HMBOX1: variants seen among roughly 807,000 people sequenced by gnomAD.
HMBOX1 encodes homeobox-containing protein 1.
Under a neutral mutation model 54.5 loss-of-function variants are expected in HMBOX1, and 14 were observed. That is an observed-to-expected ratio of 0.26 (90% CI 0.17 to 0.40). HMBOX1 has a LOEUF of 0.40. Among genes scored for constraint, HMBOX1 ranks in the 10% least tolerant of loss-of-function variants. The pLI, the probability that HMBOX1 is intolerant of heterozygous loss-of-function variation, is 1.00. For missense variants in HMBOX1, 332 were observed against 514.4 expected, an observed-to-expected ratio of 0.65 and a Z score of 3.43; for synonymous variants, 160 against 181.0, an observed-to-expected ratio of 0.88 and a Z score of 0.93.
intron 5 of HMBOX1, among the ~76,000 whole-genome samples, chr8:29,016,440 T>A (rs1411467802): frequency 1.3e-5 from 2 of 152,212 alleles, no homozygotes; most frequent in Non-Finnish European, 2.9e-5. Context: ...TATTGGGGGA[T>A]AAAGGGAAAT....
rs1367077915 is a variant in HMBOX1, at chr8:28,931,546, GGTT to G, written c.-57-32258_-57-32256del. Reference sequence around the variant, plus strand: ...AAAACTAATACCTTATCTTGGTGGTGGTTGTTGTTTTCTGAGACAGGATCTTGC... The same window carrying G: ...AAAACTAATACCTTATCTTGGTGGTGGTTGTTTTCTGAGACAGGATCTTGC... On this transcript the variant is annotated intron_variant, in intron 1 of 9. Transcript: ENST00000287701. Among the ~76,000 whole-genome samples, 3 of 152,128 alleles carry G rather than the reference GGTT, an allele frequency of 2.0e-5. No homozygotes were observed. In the East Asian group the frequency reaches 5.8e-4, roughly 29 times the overall value.
At chr8:28,903,726 GA>G (rs1813699806) in intron 1 of HMBOX1, among the ~76,000 whole-genome samples, 1 of 152,122 alleles carries the variant, frequency 6.6e-6, no homozygotes, top group Admixed American at 6.5e-5. Flanking sequence ...TTGATCAATT[GA>G]TTTTAAAAAC....
intron 1 of HMBOX1, among the ~76,000 whole-genome samples, chr8:28,939,282 T>G (rs1220191997): frequency 1.4e-5 from 2 of 140,682 alleles, no homozygotes; most frequent in African/African-American, 5.3e-5. Context: ...AGAGCAAAAC[T>G]CCGTCTAAAA....
chr8:28,891,987 T>A (rs1289992851), intron 1 of HMBOX1, among the ~76,000 whole-genome samples: 1 of 152,210 alleles, frequency 6.6e-6, no homozygotes, highest in African/African-American at 2.4e-5. Context: ...TCTTCCTTCC[T>A]TCCTATCCTC....
chr8:28,928,156 T>TA (rs539745232), intron 1 of HMBOX1, among the ~76,000 whole-genome samples: 8 of 151,822 alleles, frequency 5.3e-5, no homozygotes, highest in Non-Finnish European at 1.2e-4. Context: ...GAACTACTAC[T>TA]ACTACCATAA....
At chr8:29,049,916 T>A (rs80004820) in intron 9 of HMBOX1, among the ~76,000 whole-genome samples, 16,388 of 152,252 alleles carry the variant, frequency 0.11, 965 homozygotes, top group South Asian at 0.25. Context: ...TAGCCTCTGT[T>A]TACCACACAC....
intron 9 of HMBOX1, 111 bp downstream of exon 9, chr8:29,049,159 T>C (rs778876964): frequency 2.7e-6 from 4 of 1,473,966 alleles, no homozygotes. Context: ...AAACAGTCAC[T>C]GTCCCTCCAC....
intron 1 of HMBOX1, among the ~76,000 whole-genome samples, chr8:28,919,709 C>A (rs1445152591): frequency 1.3e-5 from 2 of 152,186 alleles, no homozygotes; most frequent in Non-Finnish European, 2.9e-5. Context: ...CATAGTAATA[C>A]ACAATACCCA....
intron 8 of HMBOX1, among the ~76,000 whole-genome samples, chr8:29,048,003 T>C (rs188671305): frequency 1.3e-5 from 2 of 152,322 alleles, no homozygotes; most frequent in Admixed American, 1.3e-4. Flanking sequence ...TTCTTAAAGT[T>C]CTAGAATATA....
At chr8:28,993,829 T>C (rs1663510518) in intron 4 of HMBOX1, among the ~76,000 whole-genome samples, 1 of 152,062 alleles carries the variant, frequency 6.6e-6, no homozygotes, top group Admixed American at 6.6e-5. Flanking sequence ...CTAAAGTTTA[T>C]CTGCAAGAAA....
intron 3 of HMBOX1, among the ~76,000 whole-genome samples, chr8:28,972,687 A>G (rs534495206): frequency 6.6e-6 from 1 of 152,356 alleles, no homozygotes; most frequent in African/African-American, 2.4e-5. Context: ...AAATGTGTAT[A>G]AGACTAACAA....
chr8:29,031,789 G>A (rs1803009533), intron 6 of HMBOX1, among the ~76,000 whole-genome samples: 1 of 152,156 alleles, frequency 6.6e-6, no homozygotes, highest in South Asian at 2.1e-4. Flanking sequence ...CCTAGCCCTG[G>A]CAGGCTCAGT....
At chr8:28,941,276 G>T (rs181297167) in intron 1 of HMBOX1, among the ~76,000 whole-genome samples, 99 of 152,228 alleles carry the variant, frequency 6.5e-4, no homozygotes, top group Admixed American at 2.0e-3. Context: ...ACATCAGTTA[G>T]ATAAATTGAA....
intron 1 of HMBOX1, among the ~76,000 whole-genome samples, chr8:28,940,318 T>G (rs1247687435): frequency 6.6e-6 from 1 of 152,190 alleles, no homozygotes; most frequent in Non-Finnish European, 1.5e-5. Context: ...TGTTTTAGAT[T>G]TTTTTTAAAA....
intron 6 of HMBOX1, among the ~76,000 whole-genome samples, chr8:29,028,415 G>A (rs760502590): frequency 8.5e-5 from 13 of 152,158 alleles, no homozygotes; most frequent in Admixed American, 2.0e-4. Flanking sequence ...CTTGTAAAGC[G>A]ATTTCTAGAA....
chr8:28,937,044 GTA>G (rs1425329172), intron 1 of HMBOX1, among the ~76,000 whole-genome samples: 4 of 152,142 alleles, frequency 2.6e-5, no homozygotes, highest in African/African-American at 9.7e-5. Flanking sequence ...CTTTCTGTAT[GTA>G]TATTTTTCAG....
chr8:29,029,134 T>C (rs1054731928), intron 6 of HMBOX1, among the ~76,000 whole-genome samples: 2 of 152,364 alleles, frequency 1.3e-5, no homozygotes, highest in Middle Eastern at 3.4e-3. Context: ...CCTGTTACTT[T>C]GCAAAATGCA....
At chr8:28,911,301 G>A (rs1815364040) in intron 1 of HMBOX1, among the ~76,000 whole-genome samples, 1 of 152,222 alleles carries the variant, frequency 6.6e-6, no homozygotes, top group South Asian at 2.1e-4. Context: ...CACCACAGGT[G>A]CAGTCTGATT....
At chr8:28,935,996 AATAGAAAAGAATAT>A (rs1820341902) in intron 1 of HMBOX1, among the ~76,000 whole-genome samples, 1 of 152,106 alleles carries the variant, frequency 6.6e-6, no homozygotes, top group Non-Finnish European at 1.5e-5. Flanking sequence ...CAAATAAAAA[AATAGAAAAGAATAT>A]ATATATAAAG....
Sources: allele counts gnomAD v4.1 joint callset (sites outside exome capture counted in the v4.1 genomes callset), GRCh38; gene constraint gnomAD v4.1.1; transcripts MANE v1.5; gene names NCBI Gene and HGNC (gene_info 2026-07-23, HGNC 2026-07-21).